The following CLVS1 variants were observed in gnomAD, a reference collection of about 807,000 sequenced individuals.
The protein encoded by CLVS1 is clavesin 1.
Under a neutral mutation model 33.1 loss-of-function variants are expected in CLVS1, and 10 were observed. That is an observed-to-expected ratio of 0.30 (90% CI 0.19 to 0.51). CLVS1 has a LOEUF of 0.51. CLVS1 is among the 20% of genes least tolerant of loss of function. The pLI, the probability that CLVS1 is intolerant of heterozygous loss-of-function variation, is 0.97. For missense variants in CLVS1, 343 were observed against 433.4 expected, an observed-to-expected ratio of 0.79 and a Z score of 1.85; for synonymous variants, 163 against 166.1, an observed-to-expected ratio of 0.98 and a Z score of 0.14.
At chr8:60,992,294 A>C in the CLVS1 span, among the ~76,000 whole-genome samples, 1 of 152,042 alleles carries the variant, frequency 6.6e-6, no homozygotes, top group East Asian at 1.9e-4. Context: ...GTGTTCTATC[A>C]CCTATTTCCA....
chr8:61,208,424 A>G (rs1297175516), intron 2 of CLVS1, among the ~76,000 whole-genome samples: 1 of 152,230 alleles, frequency 6.6e-6, no homozygotes, highest in Non-Finnish European at 1.5e-5. Flanking sequence ...GAGCTGCAAT[A>G]GTTTAAGAAA....
rs148258241 is a variant in CLVS1 at position 61,347,304 on chromosome 8, C to T, written c.456-29301C>T. ...TGAATTCAGGAGAGACCAGTCCTGACGCTACTTCCTGCAGAGATGAAGATG... is the reference window on the plus strand; with the variant it reads ...TGAATTCAGGAGAGACCAGTCCTGATGCTACTTCCTGCAGAGATGAAGATG... On this transcript the variant is annotated intron_variant, in intron 2 of 5. Transcript: ENST00000325897. Among the ~76,000 whole-genome samples the T allele has an allele frequency of 7.8e-3, 1,180 of 152,110 alleles. 7 individuals are homozygous for T. Among genetic ancestry groups the T allele is most frequent in the Non-Finnish European group, 0.013 (872 of 67,954 alleles).
At chr8:61,454,530 A>G (rs1191764466) in intron 4 of CLVS1, among the ~76,000 whole-genome samples, 8 of 152,206 alleles carry the variant, frequency 5.3e-5, no homozygotes, top group Non-Finnish European at 1.2e-4. Context: ...ATGTTACTGT[A>G]AATTCTTATG....
intron 2 of CLVS1, among the ~76,000 whole-genome samples, chr8:61,280,909 T>G (rs1463529654): frequency 6.6e-6 from 1 of 152,182 alleles, no homozygotes; most frequent in Non-Finnish European, 1.5e-5. Context: ...ACTGCAGACC[T>G]GAGCCACCAC....
At chr8:61,305,156 T>A (rs1810575266) in intron 2 of CLVS1, among the ~76,000 whole-genome samples, 1 of 151,998 alleles carries the variant, frequency 6.6e-6, no homozygotes, top group South Asian at 2.1e-4. Context: ...AGAAAAAAAA[T>A]CAAATCAGGC....
intron 5 of CLVS1, among the ~76,000 whole-genome samples, chr8:61,485,916 G>C (rs1402773638): frequency 6.6e-6 from 1 of 152,080 alleles, no homozygotes; most frequent in Non-Finnish European, 1.5e-5. Context: ...GGACATGGGT[G>C]GTGGGGAACA....
chr8:61,411,432 TAGAGAGAAGG>T (rs1257121129), intron 3 of CLVS1, among the ~76,000 whole-genome samples: 1 of 151,480 alleles, frequency 6.6e-6, no homozygotes, highest in Non-Finnish European at 1.5e-5. Context: ...CTGGGTGGGA[TAGAGAGAAGG>T]AGAGAGAGAA....
chr8:61,340,585 C>T (rs112422165), intron 2 of CLVS1, among the ~76,000 whole-genome samples: 27 of 152,086 alleles, frequency 1.8e-4, no homozygotes, highest in African/African-American at 5.8e-4. Context: ...TTCATTCATC[C>T]ATTGATGGAC....
chr8:61,161,233 T>C (rs764938435), intron 2 of CLVS1, among the ~76,000 whole-genome samples: 13 of 152,158 alleles, frequency 8.5e-5, no homozygotes, highest in Non-Finnish European at 1.9e-4. Flanking sequence ...GTATGTAAAT[T>C]TGTACACTTA....
At chr8:60,990,040 G>T in the CLVS1 span, among the ~76,000 whole-genome samples, 2 of 147,020 alleles carry the variant, frequency 1.4e-5, no homozygotes, top group African/African-American at 5.0e-5. Context: ...CAGGAGAATC[G>T]CTTGAACCCA....
chr8:61,433,281 A>G (rs1816184346), intron 3 of CLVS1, among the ~76,000 whole-genome samples: 1 of 152,198 alleles, frequency 6.6e-6, no homozygotes, highest in Non-Finnish European at 1.5e-5. Flanking sequence ...AAGGCTTGTT[A>G]TTAGTGTTCA....
Position 61,458,573 on chromosome 8 carries a change from C to G in CLVS1, c.977+31C>G, listed in dbSNP as rs528431763. On this transcript the variant is annotated intron_variant, in intron 5 of 5. Coordinates refer to ENST00000325897, the MANE Select transcript of CLVS1 (RefSeq NM_173519.3). ...GCCTGGGTTATCAGAGCCCCCCCCC[C>G]AGTCAGAGGTCAATGGAATTTTTTA... 5.7e-5 allele frequency: 80 copies of G among 1,400,312 alleles called. No homozygotes were observed. In the East Asian group the frequency reaches 1.3e-3, roughly 22 times the overall value. The allele number at this position is 1,400,312 out of a possible 1,614,324, so 86.7% of individuals were successfully genotyped here.
intron 2 of CLVS1, among the ~76,000 whole-genome samples, chr8:61,188,737 A>G (rs1807398088): frequency 6.6e-6 from 1 of 152,144 alleles, no homozygotes; most frequent in African/African-American, 2.4e-5. Context: ...ATGGAGGAAT[A>G]AAAAGAGGAA....
chr8:61,252,540 G>T (rs940231841), intron 2 of CLVS1, among the ~76,000 whole-genome samples: 1 of 152,066 alleles, frequency 6.6e-6, no homozygotes, highest in Admixed American at 6.5e-5. Context: ...CACTATTATT[G>T]TGTGGGAGTC....
At chr8:61,454,408 G>A (rs1585997426) in intron 4 of CLVS1, among the ~76,000 whole-genome samples, 157 bp downstream of exon 4, 1 of 152,000 alleles carries the variant, frequency 6.6e-6, no homozygotes, top group Admixed American at 6.6e-5. Flanking sequence ...AGCCTCAGCT[G>A]GAGTTTGCAA....
At chr8:61,246,321 CA>C (rs1415767330) in intron 2 of CLVS1, among the ~76,000 whole-genome samples, 2 of 151,348 alleles carry the variant, frequency 1.3e-5, no homozygotes, top group Admixed American at 1.3e-4. Context: ...AGGCGTCCAC[CA>C]CCATGCCTGC....
At chr8:61,083,843 G>A (rs1805070399) in intron 1 of CLVS1, among the ~76,000 whole-genome samples, 1 of 152,196 alleles carries the variant, frequency 6.6e-6, no homozygotes, top group African/African-American at 2.4e-5. Flanking sequence ...TTATGAGTCT[G>A]GAGTTTGAGA....
At chr8:60,987,087 A>T in the CLVS1 span, among the ~76,000 whole-genome samples, 1 of 152,298 alleles carries the variant, frequency 6.6e-6, no homozygotes, top group African/African-American at 2.4e-5. Context: ...CTCTCAGGCA[A>T]ATGACAGTCC....
chr8:61,362,190 G>A (rs887663393), intron 2 of CLVS1, among the ~76,000 whole-genome samples: 4 of 152,204 alleles, frequency 2.6e-5, no homozygotes, highest in Non-Finnish European at 4.4e-5. Flanking sequence ...AATACTCTGT[G>A]ACTTCCTGTG....
Sources: gnomAD v4.1 joint callset for allele counts (sites outside exome capture counted in the v4.1 genomes callset) on GRCh38, gnomAD v4.1.1 for gene constraint, MANE v1.5 for transcripts, NCBI Gene and HGNC (gene_info 2026-07-23, HGNC 2026-07-21) for gene names.